The following HERC1 variants were observed in gnomAD, a reference collection of about 807,000 sequenced individuals.
HERC1 encodes the protein probable E3 ubiquitin-protein ligase HERC1.
Under a neutral mutation model 554.3 loss-of-function variants are expected in HERC1, and 160 were observed. The observed-to-expected ratio is 0.29, with a 90% confidence interval of 0.25 to 0.33. HERC1 has a LOEUF of 0.33. HERC1 is among the 10% of genes least tolerant of loss of function. HERC1 has a pLI of 1.00. For missense variants in HERC1, 4,919 were observed against 5,918.5 expected (o/e 0.83, Z 5.54); for synonymous variants, 2,175 against 2,131.7 (o/e 1.02, Z -0.56).
intron 46 of HERC1, among the ~76,000 whole-genome samples, chr15:63,660,284 C>T (rs2070284759): frequency 6.6e-6 from 1 of 152,094 alleles, no homozygotes; most frequent in East Asian, 1.9e-4. Context: ...CACGCCACAG[C>T]ACTACAGCCT....
rs1347281347 is a variant in HERC1 at position 63,686,086 on chromosome 15, T to C, written c.6225+273A>G. On this transcript the variant is annotated intron_variant, in intron 34 of 77. Coordinates refer to ENST00000443617, the MANE Select transcript of HERC1 (RefSeq NM_003922.4). ...TCATTTTCATTGCTAGAAGAAAATG[T>C]GTTCTGTGTGACTCCTTATGGGAGG... Among the ~76,000 whole-genome samples the C allele has an allele frequency of 2.6e-5, 4 of 152,176 alleles. No homozygotes were observed. In the East Asian group the frequency reaches 7.7e-4, roughly 29 times the overall value.
At chr15:63,643,160 A>G in intron 58 of HERC1, 102 bp from the exon 59 acceptor site, 8 of 967,054 alleles carry the variant, frequency 8.3e-6, no homozygotes, top group South Asian at 1.5e-5. Context: ...TAAAGTCTAC[A>G]TTTTAGCTAA....
chr15:63,757,692 TG>T (rs2075475223), intron 4 of HERC1, among the ~76,000 whole-genome samples: 1 of 152,150 alleles, frequency 6.6e-6, no homozygotes, highest in Admixed American at 6.6e-5. Context: ...TCAGGGATAC[TG>T]GGGACTAAAA....
Position 63,634,751 on chromosome 15 carries a change from C to G in HERC1, c.12552G>C (p.Glu4184Asp). The G allele has an allele frequency of 6.2e-7, 1 of 1,612,790 alleles. No homozygotes were observed. The highest frequency in any genetic ancestry group is 1.1e-5 in the South Asian group (1 of 90,910). ...KKLPERVTALEGYQIGQVACG... is the reference protein window; with the variant it reads ...KKLPERVTALDGYQIGQVACG... ...TCCATGCCTGTCCAATCTGATATCC[C>G]TCCAGTGCAGTCACTCTCTCTGGAA... Residue 4184 changes from glutamate (E) to aspartate (D), a missense_variant, in exon 66 of 78, where the codon GAG (glutamate) becomes GAC (aspartate). This residue lies in a region of HERC1 where 410 missense variants were observed against 467.0 expected (regional missense o/e 0.88). Transcript: ENST00000443617.
In HERC1 at chr15:63,608,819, T is replaced by C. The variant is rs2067473570; in HGVS notation, c.*262A>G. ...CTAAAAATGCACCAAAATGGTTTCA[T>C]GCAAACTTATCAAAAGTGACCAAAA... On this transcript the variant is annotated 3_prime_UTR_variant, in exon 78 of 78. Transcript: ENST00000443617. 2 of 310,808 alleles carry C rather than the reference T, an allele frequency of 6.4e-6. No individual in the cohort carries two copies. Among genetic ancestry groups the C allele is most frequent in the Non-Finnish European group, 1.2e-5 (2 of 168,724 alleles). The allele number at this position is 310,808 out of a possible 1,614,324, so 19.3% of individuals were successfully genotyped here.
In HERC1 at chr15:63,641,633, A is replaced by G; in HGVS notation, c.11444T>C (p.Val3815Ala). 1 of 1,538,098 alleles carries G rather than the reference A, an allele frequency of 6.5e-7. No homozygotes were observed. Among genetic ancestry groups the G allele is most frequent in the Non-Finnish European group, 8.8e-7 (1 of 1,136,982 alleles). The change falls in exon 60 of 78, where the codon GTC becomes GCC. Residue 3815 changes from valine (V) to alanine (A), a missense_variant. Around this residue, in one of 11 missense-constraint regions of HERC1, gnomAD observed 1,963 missense variants for 2,228.6 expected, o/e 0.88. Coordinates refer to ENST00000443617, the MANE Select transcript of HERC1 (RefSeq NM_003922.4). Reference protein sequence around the residue: ...ACSNRSKDVLVVNCTAEWAAA... With the variant: ...ACSNRSKDVLAVNCTAEWAAA... Reference sequence around the variant, plus strand: ...TGCCCATTCTGCTGTACAATTCACGACCAAAACATCCTGGTTGAAAATAAA... The same window carrying G: ...TGCCCATTCTGCTGTACAATTCACGGCCAAAACATCCTGGTTGAAAATAAA...
intron 24 of HERC1, among the ~76,000 whole-genome samples, chr15:63,707,211 T>A (rs541038465): frequency 6.6e-5 from 10 of 152,366 alleles, no homozygotes; most frequent in Middle Eastern, 3.4e-3. Flanking sequence ...TACTCCTTCC[T>A]CTAGCTTCAC....
rs1336191925 is a variant in HERC1 at position 63,664,236 on chromosome 15, G to GATTTC, written c.8680+233_8680+234insGAAAT. ...TTATATAATTTCTCAAAATCTACAA[G>GATTTC]TGGCCAGTATAGACTTCTGCACCCA... On this transcript the variant is annotated intron_variant, in intron 43 of 77. Coordinates refer to ENST00000443617, the MANE Select transcript of HERC1 (RefSeq NM_003922.4). 9.2e-5 allele frequency among the ~76,000 whole-genome samples: 14 copies of GATTTC among 152,282 alleles called. No individual in the cohort carries two copies. In the East Asian group the frequency reaches 2.7e-3, roughly 29 times the overall value.
Position 63,698,898 on chromosome 15 carries a change from C to T in HERC1, c.4735G>A (p.Asp1579Asn), listed in dbSNP as rs1185784463. The T allele has an allele frequency of 6.2e-7, 1 of 1,613,990 alleles. No homozygotes were observed. The highest frequency in any genetic ancestry group is 8.5e-7 in the Non-Finnish European group (1 of 1,179,854). Residue 1579 changes from aspartate (D) to asparagine (N), a missense_variant, in exon 26 of 78, where the codon GAT (aspartate) becomes AAT (asparagine). By Grantham distance (23) the Asp-to-Asn change is conservative. Around this residue, in one of 11 missense-constraint regions of HERC1, gnomAD observed 1,121 missense variants for 1,244.0 expected, o/e 0.90. Coordinates refer to ENST00000443617, the MANE Select transcript of HERC1 (RefSeq NM_003922.4). ...CCCAAAGACTTGGTAAGATCAAAATCTGACTCAAAGGAATAGGAGGAGTTG... is the reference window on the plus strand; with the variant it reads ...CCCAAAGACTTGGTAAGATCAAAATTTGACTCAAAGGAATAGGAGGAGTTG... ...LCNSSYSFES[D>N]FDLTKSLGVH... is the part of the protein sequence containing the mutation.
intron 3 of HERC1, among the ~76,000 whole-genome samples, chr15:63,763,229 ATAGAAT>A (rs2075667549): frequency 6.6e-6 from 1 of 152,206 alleles, no homozygotes; most frequent in Non-Finnish European, 1.5e-5. Flanking sequence ...AAAAGAAACG[ATAGAAT>A]TAGAATATCA....
intron 1 of HERC1, 76 bp downstream of exon 1, chr15:63,833,751 G>GCACACACACACACACACACACACACA (rs1327103352): frequency 4.1e-5 from 3 of 72,320 alleles, no homozygotes; most frequent in Non-Finnish European, 6.9e-5. Flanking sequence ...ACACGCGCGC[G>GCACACACACACACACACACACACACA]CGCACACACA....
Position 63,758,210 on chromosome 15 carries a change from G to A in HERC1, c.1186C>T (p.Pro396Ser), listed in dbSNP as rs1195518498. The A allele has an allele frequency of 1.9e-6, 3 of 1,612,168 alleles. No homozygotes were observed. Among genetic ancestry groups the A allele is most frequent in the Non-Finnish European group, 1.7e-6 (2 of 1,178,412 alleles). The part of the protein sequence containing the change: ...VEGTQEKILQ[P>S]KLAPSFSDAQ... ...TCAGAGAAACTAGGAGCCAGTTTGG[G>A]TTGCAGTATTTTCTCCTGTGTACCT... The change falls in exon 4 of 78, where the codon CCC becomes TCC. Residue 396 changes from proline to serine, a missense_variant. Coordinates refer to ENST00000443617, the MANE Select transcript of HERC1 (RefSeq NM_003922.4). The surrounding 1 kb of genome is among the most constrained non-coding windows in gnomAD (Gnocchi z 4.0).
intron 4 of HERC1, among the ~76,000 whole-genome samples, chr15:63,757,456 G>A (rs928665117): frequency 2.6e-5 from 4 of 151,560 alleles, no homozygotes; most frequent in Non-Finnish European, 4.4e-5. Flanking sequence ...TAGTAGAGAC[G>A]GGGTTTCACC....
At chr15:63,666,236 G>T in intron 41 of HERC1, 86 bp from the exon 42 acceptor site, 2 of 1,380,500 alleles carry the variant, frequency 1.4e-6, no homozygotes, top group Non-Finnish European at 2.0e-6. Context: ...TGATGCTCTT[G>T]TAACAAAATA....
intron 16 of HERC1, among the ~76,000 whole-genome samples, chr15:63,728,097 A>T (rs1323512259): frequency 1.3e-5 from 2 of 152,192 alleles, no homozygotes; most frequent in Non-Finnish European, 2.9e-5. Flanking sequence ...CTTAAAATTC[A>T]TTATGAATTT....
At chr15:63,790,999 C>T (rs1186455601) in intron 1 of HERC1, among the ~76,000 whole-genome samples, 1 of 151,954 alleles carries the variant, frequency 6.6e-6, no homozygotes, top group African/African-American at 2.4e-5. Context: ...AACAAAAAAT[C>T]CTAAAAAAGT....
At chr15:63,823,535 G>T (rs1474956308) in intron 1 of HERC1, among the ~76,000 whole-genome samples, 1 of 152,176 alleles carries the variant, frequency 6.6e-6, no homozygotes, top group East Asian at 1.9e-4. Context: ...TCTAACTGGT[G>T]ACAATGCCCG....
At chr15:63,636,839 T>C (rs1328071560) in intron 64 of HERC1, 1 of 184,402 alleles carries the variant, frequency 5.4e-6, no homozygotes, top group African/African-American at 2.4e-5. Flanking sequence ...GCTTGTGCAA[T>C]GTCCCAGAGC....
chr15:63,714,399 A>G (rs1015665000), intron 22 of HERC1, among the ~76,000 whole-genome samples: 2 of 152,156 alleles, frequency 1.3e-5, no homozygotes, highest in African/African-American at 2.4e-5. Context: ...GTGAGATGGC[A>G]TCACCAGGAA....
Sources: allele counts gnomAD v4.1 joint callset (sites outside exome capture counted in the v4.1 genomes callset), GRCh38; gene constraint gnomAD v4.1.1; regional missense constraint gnomAD v4.1.1; non-coding constraint Gnocchi (gnomAD v3.1); transcripts MANE v1.5; gene names NCBI Gene and HGNC (gene_info 2026-07-23, HGNC 2026-07-21).